The following GABRR3 variants were observed in gnomAD, a reference collection of about 807,000 sequenced individuals.
The protein encoded by GABRR3 is gamma-aminobutyric acid receptor subunit rho-3.
In GABRR3, 29 loss-of-function variants were observed where a neutral mutation model predicts 43.2. The ratio of observed to expected loss-of-function variants is 0.67; its 90% CI spans 0.50 to 0.92. The LOEUF is 0.92. Ranked by LOEUF, GABRR3 falls within the 40% of genes least tolerant of loss-of-function variation. The probability of loss-of-function intolerance (pLI) is 0.00; values close to 1 mark genes in which losing one functional copy is unlikely to be tolerated. For missense variants in GABRR3, 576 were observed against 572.3 expected (o/e 1.01, Z -0.07); for synonymous variants, 206 against 195.9 (o/e 1.05, Z -0.43).
chr3:98,006,961 ATGGATTCATTCAGCTGATTT>A (rs1706729916), intron 7 of GABRR3, among the ~76,000 whole-genome samples: 1 of 152,092 alleles, frequency 6.6e-6, no homozygotes, highest in South Asian at 2.1e-4. Context: ...CACTTTATGG[ATGGATTCATTCAGCTGATTT>A]TTATTGAGCA....
intron 4 of GABRR3, among the ~76,000 whole-genome samples, chr3:98,014,915 G>T (rs1294512173): frequency 2.6e-5 from 4 of 151,984 alleles, no homozygotes; most frequent in African/African-American, 4.8e-5. Flanking sequence ...ATAATACACA[G>T]AATCTAAATT....
chr3:97,987,941 C>A (rs1706408608), intron 9 of GABRR3, among the ~76,000 whole-genome samples: 1 of 152,002 alleles, frequency 6.6e-6, no homozygotes, highest in Middle Eastern at 3.4e-3. Flanking sequence ...CTACACTAGG[C>A]TAATTTTTTT....
intron 7 of GABRR3, among the ~76,000 whole-genome samples, chr3:98,007,477 A>C (rs1047430451): frequency 6.6e-6 from 1 of 152,200 alleles, no homozygotes; most frequent in Non-Finnish European, 1.5e-5. Flanking sequence ...AAAGTTTAGA[A>C]CAGGAAAGAA....
intron 5 of GABRR3, among the ~76,000 whole-genome samples, chr3:98,010,857 T>A (rs991425439): frequency 1.3e-5 from 2 of 152,168 alleles, no homozygotes; most frequent in Non-Finnish European, 2.9e-5. Flanking sequence ...GCCAGTACTT[T>A]GGGGGGCCGA....
intron 2 of GABRR3, among the ~76,000 whole-genome samples, chr3:98,027,959 C>T (rs1026950393): frequency 1.3e-5 from 2 of 151,958 alleles, no homozygotes; most frequent in African/African-American, 4.8e-5. Context: ...AAAAAAACTA[C>T]TATCTCCATT....
chr3:98,012,277 C>T (rs1424753287), intron 5 of GABRR3, 67 bp downstream of exon 5: 1 of 1,107,350 alleles, frequency 9.0e-7, no homozygotes. Flanking sequence ...CTGAAATAAG[C>T]ATCATCAGCT....
chr3:98,022,729 A>G (rs1431452278), intron 3 of GABRR3, among the ~76,000 whole-genome samples: 1 of 152,124 alleles, frequency 6.6e-6, no homozygotes, highest in Non-Finnish European at 1.5e-5. Flanking sequence ...ACACCATTTC[A>G]CCCCAGTATA....
At chr3:97,992,085 T>C (rs1396932857) in intron 9 of GABRR3, among the ~76,000 whole-genome samples, 1 of 152,126 alleles carries the variant, frequency 6.6e-6, no homozygotes, top group African/African-American at 2.4e-5. Flanking sequence ...GGTGCCCAAA[T>C]CCTCTGTGAA....
At chr3:98,015,703 G>T (rs1706864946) in intron 4 of GABRR3, among the ~76,000 whole-genome samples, 1 of 152,190 alleles carries the variant, frequency 6.6e-6, no homozygotes, top group African/African-American at 2.4e-5. Flanking sequence ...TGACGGAAAA[G>T]ATAGCAATTG....
At position 98,001,554 on chromosome 3, in the gene GABRR3, T is replaced by C. The variant is rs920806514; in HGVS notation, c.907+61A>G. Reference sequence around the variant, plus strand: ...TTTCCTCTCCATGTATGACCCATTTTATTTACCTCCCTTGAACTTTCTCCC... The same window carrying C: ...TTTCCTCTCCATGTATGACCCATTTCATTTACCTCCCTTGAACTTTCTCCC... On this transcript the variant is annotated intron_variant, in intron 8 of 9. Transcript: ENST00000621172. 1.5e-5 allele frequency: 24 copies of C among 1,577,344 alleles called. No individual in the cohort carries two copies. The Admixed American group carries it at 4.1e-4, about 27-fold the overall frequency.
At chr3:98,001,891 C>T in intron 7 of GABRR3, 124 bp from the exon 8 acceptor site, 2 of 964,478 alleles carry the variant, frequency 2.1e-6, no homozygotes, top group Non-Finnish European at 3.1e-6. Context: ...AAACTCATCT[C>T]CATTTAGTTG....
chr3:97,999,370 C>T (rs965816097), intron 8 of GABRR3: 2 of 152,122 alleles, frequency 1.3e-5, no homozygotes, highest in East Asian at 1.9e-4. Context: ...GCACATGCTT[C>T]ATCCCTGAAG....
intron 9 of GABRR3, among the ~76,000 whole-genome samples, chr3:97,988,597 TGGTGGTG>T (rs1397785885): frequency 6.6e-6 from 1 of 151,290 alleles, no homozygotes; most frequent in Admixed American, 6.6e-5. Flanking sequence ...TGGTGAATTG[TGGTGGTG>T]GGTGGTGGGT....
intron 2 of GABRR3, among the ~76,000 whole-genome samples, chr3:98,032,789 A>G (rs1171053624): frequency 1.3e-5 from 2 of 152,190 alleles, no homozygotes; most frequent in African/African-American, 4.8e-5. Context: ...CAATGCATAT[A>G]TAAATCCCCC....
At chr3:98,020,640 A>G (rs929449059) in intron 3 of GABRR3, among the ~76,000 whole-genome samples, 6 of 152,056 alleles carry the variant, frequency 3.9e-5, no homozygotes, top group Admixed American at 1.3e-4. Context: ...GGACCTATTT[A>G]TGCCACTGTT....
intron 2 of GABRR3, among the ~76,000 whole-genome samples, chr3:98,033,992 A>G (rs916972850): frequency 4.6e-5 from 7 of 152,202 alleles, no homozygotes; most frequent in Non-Finnish European, 1.0e-4. Context: ...AATGCATAAT[A>G]CATATTTAGG....
intron 3 of GABRR3, among the ~76,000 whole-genome samples, chr3:98,024,267 G>A (rs923787710): frequency 5.3e-5 from 8 of 150,820 alleles, no homozygotes; most frequent in Non-Finnish European, 8.8e-5. Context: ...GCTGAGGCTG[G>A]AGAATCACTT....
chr3:98,026,606 T>TCATCATCATCATTAG (rs148605600), intron 2 of GABRR3, among the ~76,000 whole-genome samples: 24,739 of 104,080 alleles, frequency 0.24, 2,396 homozygotes, highest in Non-Finnish European at 0.34. Context: ...GTGGCTGTCA[T>TCATCATCATCATTAG]CATCATCATC....
intron 1 of GABRR3, 93 bp downstream of exon 1, chr3:98,035,095 AAT>A: frequency 2.3e-6 from 3 of 1,327,228 alleles, no homozygotes; most frequent in Non-Finnish European, 3.1e-6. Context: ...TGTCAGGGGA[AAT>A]GCATTAGGGG....
Sources: allele counts gnomAD v4.1 joint callset (sites outside exome capture counted in the v4.1 genomes callset), GRCh38; gene constraint gnomAD v4.1.1; transcripts MANE v1.5; gene names NCBI Gene and HGNC (gene_info 2026-07-23, HGNC 2026-07-21).